HTR1F: variants seen among roughly 807,000 people sequenced by gnomAD.
HTR1F encodes 5-hydroxytryptamine receptor 1F, also known as 5-hydroxytryptamine (serotonin) receptor 1F, G protein-coupled.
A neutral mutation model predicts 24.0 loss-of-function variants in HTR1F; 17 were observed. The observed-to-expected ratio is 0.71, with a 90% confidence interval of 0.48 to 1.06. The LOEUF (loss-of-function observed/expected upper bound fraction) is 1.06. Among genes scored for constraint, HTR1F ranks in the 50% least tolerant of loss-of-function variants. The probability of loss-of-function intolerance (pLI) is 0.00; values close to 1 mark genes in which losing one functional copy is unlikely to be tolerated. For missense variants in HTR1F, 391 were observed against 427.8 expected, an observed-to-expected ratio of 0.91 and a Z score of 0.76; for synonymous variants, 186 against 156.8, an observed-to-expected ratio of 1.19 and a Z score of -1.39.
At chr3:87,818,148 A>T (rs958276809) in intron 1 of HTR1F, among the ~76,000 whole-genome samples, 1 of 152,234 alleles carries the variant, frequency 6.6e-6, no homozygotes, top group Non-Finnish European at 1.5e-5. Context: ...GATGTAAAGC[A>T]GCCCTCAGAA....
At chr3:87,973,456 AG>A (rs1705329535) in intron 2 of HTR1F, among the ~76,000 whole-genome samples, 1 of 152,178 alleles carries the variant, frequency 6.6e-6, no homozygotes, top group Non-Finnish European at 1.5e-5. Context: ...ATTCAAGCCT[AG>A]CTTAAATTTA....
intron 2 of HTR1F, among the ~76,000 whole-genome samples, chr3:87,899,694 C>T (rs1229278313): frequency 6.6e-6 from 1 of 152,038 alleles, no homozygotes; most frequent in Non-Finnish European, 1.5e-5. Context: ...GAAACCCCGT[C>T]CGTACTAAAA....
chr3:87,820,116 G>C (rs1390454924), intron 1 of HTR1F, among the ~76,000 whole-genome samples: 2 of 150,142 alleles, frequency 1.3e-5, no homozygotes, highest in Non-Finnish European at 3.0e-5. Flanking sequence ...GATGAGCAAA[G>C]ATAAAAGAAC....
chr3:87,864,902 A>AAAAAAG lies in HTR1F; in HGVS notation c.-43+42782_-43+42783insAGAAAA, dbSNP rs1457272433. Among the ~76,000 whole-genome samples, 609 of 144,454 alleles carry AAAAAAG rather than the reference A, an allele frequency of 4.2e-3. 4 individuals carry two copies. The highest frequency in any genetic ancestry group is 0.013 in the African/African-American group (493 of 37,250). The allele number at this position is 144,454 out of a possible 152,430, so 94.8% of individuals were successfully genotyped here. A position where few individuals can be genotyped will look rare whatever the true frequency, so the allele number is the denominator to read the frequency against. ...GCAAGACTTCATCTCAAAAAAAAAA[A>AAAAAAG]AAAAGAAAAGAAAAGAAAAGAAAAG... On this transcript the variant is annotated intron_variant, in intron 2 of 2. Transcript: ENST00000319595.
At chr3:87,804,216 T>A (rs1704038406) in intron 1 of HTR1F, among the ~76,000 whole-genome samples, 1 of 152,184 alleles carries the variant, frequency 6.6e-6, no homozygotes, top group Admixed American at 6.5e-5. Flanking sequence ...AAAATGTGAT[T>A]TTATTTTAAT....
At chr3:87,833,543 C>T (rs12629921) in intron 2 of HTR1F, among the ~76,000 whole-genome samples, 15,760 of 152,088 alleles carry the variant, frequency 0.1, 928 homozygotes, top group East Asian at 0.16. Context: ...TGCTGTATTG[C>T]CCAGCTGGAG....
intron 1 of HTR1F, among the ~76,000 whole-genome samples, chr3:87,811,236 C>T (rs1417666836): frequency 4.0e-5 from 6 of 151,414 alleles, no homozygotes; most frequent in East Asian, 3.9e-4. Context: ...TCTGCCTTTG[C>T]AGTTCATATA....
chr3:87,903,106 C>T (rs1274038384), intron 2 of HTR1F, among the ~76,000 whole-genome samples: 2 of 152,012 alleles, frequency 1.3e-5, no homozygotes, highest in Non-Finnish European at 2.9e-5. Context: ...CTTCCTTACA[C>T]CTTATACAAA....
chr3:87,960,632 G>C (rs1705040332), intron 2 of HTR1F, among the ~76,000 whole-genome samples: 1 of 151,912 alleles, frequency 6.6e-6, no homozygotes. Context: ...GTATTATGAA[G>C]TCATAATTTA....
At chr3:87,817,992 A>G (rs1704282184) in intron 1 of HTR1F, among the ~76,000 whole-genome samples, 1 of 152,196 alleles carries the variant, frequency 6.6e-6, no homozygotes, top group Admixed American at 6.5e-5. Context: ...GGCACTCTAC[A>G]ATTTTAAGAT....
At chr3:87,861,638 T>A (rs1705320647) in intron 2 of HTR1F, among the ~76,000 whole-genome samples, 1 of 152,166 alleles carries the variant, frequency 6.6e-6, no homozygotes, top group Non-Finnish European at 1.5e-5. Context: ...TTTCTCTTGC[T>A]GAAGTTTGAG....
rs75791066 is a variant in HTR1F at position 87,993,283 on chromosome 3, G to A, written c.*1433G>A. 5.4e-5 allele frequency: 9 copies of A among 166,278 alleles called. No homozygotes were observed. In the East Asian group the frequency reaches 1.7e-3, roughly 32 times the overall value. The allele number at this position is 166,278 out of a possible 1,614,324, so 10.3% of individuals were successfully genotyped here. ...ACTCTCAATCTAACAAACATTTACA[G>A]AGTTCCCATTTTATACAAGGCATTG... On this transcript the variant is annotated 3_prime_UTR_variant, in exon 3 of 3. Coordinates refer to ENST00000319595, the MANE Select transcript of HTR1F (RefSeq NM_001322209.2).
intron 2 of HTR1F, among the ~76,000 whole-genome samples, chr3:87,894,656 G>A (rs1242512799): frequency 3.5e-5 from 5 of 143,694 alleles, no homozygotes; most frequent in African/African-American, 1.3e-4. Context: ...TAAAAAGCAA[G>A]GACTCTGAAG....
At chr3:87,857,105 A>T (rs1345174451) in intron 2 of HTR1F, among the ~76,000 whole-genome samples, 1 of 152,022 alleles carries the variant, frequency 6.6e-6, no homozygotes, top group Non-Finnish European at 1.5e-5. Flanking sequence ...TTTATTATTT[A>T]TTATTATTTT....
At chr3:87,975,314 A>C (rs1447511273) in intron 2 of HTR1F, among the ~76,000 whole-genome samples, 1 of 152,160 alleles carries the variant, frequency 6.6e-6, no homozygotes, top group Non-Finnish European at 1.5e-5. Context: ...TCTTGCAAAA[A>C]TCCAAATTTT....
chr3:87,887,328 G>A (rs1705972690), intron 2 of HTR1F, among the ~76,000 whole-genome samples: 2 of 152,156 alleles, frequency 1.3e-5, no homozygotes, highest in African/African-American at 4.8e-5. Context: ...ATTAATTCAA[G>A]ATGGATTAAA....
chr3:87,854,708 CAT>C (rs1436344578), intron 2 of HTR1F, among the ~76,000 whole-genome samples: 1 of 151,958 alleles, frequency 6.6e-6, no homozygotes, highest in African/African-American at 2.4e-5. Context: ...AGTCAGAAAA[CAT>C]AAAAATTTAT....
intron 2 of HTR1F, among the ~76,000 whole-genome samples, chr3:87,918,621 C>T (rs751439951): frequency 2.0e-5 from 3 of 151,922 alleles, no homozygotes; most frequent in African/African-American, 4.8e-5. Flanking sequence ...ACCCCTTTTA[C>T]AATAGCTGCA....
At chr3:87,920,603 T>G (rs191987182) in intron 2 of HTR1F, among the ~76,000 whole-genome samples, 190 of 151,962 alleles carry the variant, frequency 1.3e-3, no homozygotes, top group African/African-American at 4.3e-3. Context: ...ACATAAAAGG[T>G]GTTTCTGAAA....
Sources: allele counts gnomAD v4.1 joint callset (sites outside exome capture counted in the v4.1 genomes callset), GRCh38; gene constraint gnomAD v4.1.1; transcripts MANE v1.5; gene names NCBI Gene and HGNC (gene_info 2026-07-23, HGNC 2026-07-21).